The following KHDRBS3 variants were observed in gnomAD, a reference collection of about 807,000 sequenced individuals.
The protein encoded by KHDRBS3 is KH RNA binding domain containing, signal transduction associated 3.
Under a neutral mutation model 45.6 loss-of-function variants are expected in KHDRBS3, and 23 were observed. That is an observed-to-expected ratio of 0.50 (90% CI 0.36 to 0.72). The LOEUF is 0.72. Ranked by LOEUF, KHDRBS3 falls within the 30% of genes least tolerant of loss-of-function variation. The pLI is 0.00. For synonymous variants in KHDRBS3, 162 were observed against 156.5 expected (o/e 1.04, Z -0.26); for missense variants, 352 against 424.8 (o/e 0.83, Z 1.51).
At chr8:135,633,522 G>A (rs1830690399) in intron 7 of KHDRBS3, among the ~76,000 whole-genome samples, 1 of 152,202 alleles carries the variant, frequency 6.6e-6, no homozygotes, top group Non-Finnish European at 1.5e-5. Context: ...ATAAGCTCAT[G>A]TTAATGCCAC....
chr8:135,558,411 A>C (rs1033094120), intron 5 of KHDRBS3, among the ~76,000 whole-genome samples: 2 of 152,192 alleles, frequency 1.3e-5, no homozygotes, highest in African/African-American at 4.8e-5. Context: ...CTATGGATAA[A>C]TTTTTATTTT....
At chr8:135,518,040 A>G (rs1439390125) in intron 1 of KHDRBS3, among the ~76,000 whole-genome samples, 1 of 152,218 alleles carries the variant, frequency 6.6e-6, no homozygotes, top group Non-Finnish European at 1.5e-5. Context: ...GCTTACCTAT[A>G]TGATTTTCTT....
intron 7 of KHDRBS3, among the ~76,000 whole-genome samples, chr8:135,628,560 T>C (rs897481303): frequency 6.6e-6 from 1 of 152,232 alleles, no homozygotes; most frequent in African/African-American, 2.4e-5. Flanking sequence ...TTATAATAGG[T>C]ATTTGATAAG....
intron 1 of KHDRBS3, among the ~76,000 whole-genome samples, chr8:135,520,077 C>T (rs1264626877): frequency 6.6e-6 from 1 of 152,230 alleles, no homozygotes; most frequent in Admixed American, 6.5e-5. Context: ...TGTGAAGTCA[C>T]CTCTTTGAAC....
At chr8:135,495,633 AT>A (rs1255895287) in intron 1 of KHDRBS3, among the ~76,000 whole-genome samples, 3 of 152,210 alleles carry the variant, frequency 2.0e-5, no homozygotes, top group Non-Finnish European at 4.4e-5. Context: ...TATTTCACTT[AT>A]CATATTCCAC....
Position 135,566,691 on chromosome 8 carries a change from C to CA in KHDRBS3, c.611+9114dup, listed in dbSNP as rs569527746. ...GCTGTATAGTGAGACTTTATCTTTA[C>CA]AAAAAAAAAAGTTAAAAATTAAAAA... On this transcript the variant is annotated intron_variant, in intron 5 of 8. Coordinates refer to ENST00000355849, the MANE Select transcript of KHDRBS3 (RefSeq NM_006558.3). 1.8e-4 allele frequency among the ~76,000 whole-genome samples: 26 copies of CA among 146,396 alleles called. 1 individual carries two copies. Among genetic ancestry groups the CA allele is most frequent in the African/African-American group, 4.8e-4 (19 of 39,954 alleles).
chr8:135,610,104 A>G (rs948699228), intron 7 of KHDRBS3, among the ~76,000 whole-genome samples: 4 of 151,928 alleles, frequency 2.6e-5, no homozygotes, highest in African/African-American at 9.7e-5. Context: ...GATATTTGAT[A>G]TAAAGAACCA....
intron 1 of KHDRBS3, among the ~76,000 whole-genome samples, chr8:135,469,652 C>T (rs1249391467): frequency 6.6e-6 from 1 of 152,130 alleles, no homozygotes; most frequent in Non-Finnish European, 1.5e-5. Flanking sequence ...CCTCAGCCTC[C>T]CCAGTAGCTG....
chr8:135,505,453 C>T (rs1041298036), intron 1 of KHDRBS3, among the ~76,000 whole-genome samples: 1 of 152,110 alleles, frequency 6.6e-6, no homozygotes, highest in African/African-American at 2.4e-5. Context: ...AGACCTCCCG[C>T]CTGCTGATTC....
At chr8:135,463,030 T>G (rs941488452) in intron 1 of KHDRBS3, among the ~76,000 whole-genome samples, 2 of 152,218 alleles carry the variant, frequency 1.3e-5, no homozygotes, top group Admixed American at 1.3e-4. Context: ...AGATAAGTCC[T>G]CTGACCTTTT....
intron 6 of KHDRBS3, among the ~76,000 whole-genome samples, chr8:135,602,285 A>G (rs901126548): frequency 2.6e-5 from 4 of 152,188 alleles, no homozygotes; most frequent in Non-Finnish European, 5.9e-5. Flanking sequence ...TATATGTTTC[A>G]AGCGTTGTCC....
intron 1 of KHDRBS3, among the ~76,000 whole-genome samples, chr8:135,501,095 G>A (rs1823713223): frequency 6.6e-6 from 1 of 152,166 alleles, no homozygotes; most frequent in Non-Finnish European, 1.5e-5. Context: ...TGCCTCAACT[G>A]TGTCTGCTGT....
At chr8:135,616,810 T>TA (rs1298321904) in intron 7 of KHDRBS3, among the ~76,000 whole-genome samples, 1 of 152,180 alleles carries the variant, frequency 6.6e-6, no homozygotes, top group Non-Finnish European at 1.5e-5. Context: ...TACTCTAAAG[T>TA]CTTTCTATGT....
chr8:135,481,903 G>A (rs938982117), intron 1 of KHDRBS3, among the ~76,000 whole-genome samples: 1 of 152,162 alleles, frequency 6.6e-6, no homozygotes, highest in African/African-American at 2.4e-5. Flanking sequence ...CTTGCAGCCT[G>A]TCACCGTTTA....
At chr8:135,611,059 T>G (rs1829687437) in intron 7 of KHDRBS3, among the ~76,000 whole-genome samples, 2 of 151,898 alleles carry the variant, frequency 1.3e-5, no homozygotes, top group African/African-American at 4.9e-5. Flanking sequence ...TATAAGCCCT[T>G]TAAATATCAG....
chr8:135,496,531 C>T (rs1283305013), intron 1 of KHDRBS3, among the ~76,000 whole-genome samples: 1 of 150,676 alleles, frequency 6.6e-6, no homozygotes, highest in Non-Finnish European at 1.5e-5. Flanking sequence ...CCATACCTGG[C>T]ACAAGCATTT....
intron 2 of KHDRBS3, among the ~76,000 whole-genome samples, chr8:135,523,869 A>G (rs1277100902): frequency 1.3e-5 from 2 of 152,114 alleles, no homozygotes; most frequent in East Asian, 3.9e-4. Context: ...GTATTTCTCT[A>G]CACTGTTTAT....
chr8:135,486,928 C>A (rs564786431), intron 1 of KHDRBS3, among the ~76,000 whole-genome samples: 111 of 152,222 alleles, frequency 7.3e-4, no homozygotes, highest in Non-Finnish European at 2.4e-4. Context: ...CTTTTATTTT[C>A]TTAAAGAGGA....
chr8:135,507,587 T>A (rs909428335), intron 1 of KHDRBS3, among the ~76,000 whole-genome samples: 11 of 152,208 alleles, frequency 7.2e-5, no homozygotes, highest in African/African-American at 2.2e-4. Context: ...GTAACTTGCT[T>A]CAGCATGTGA....
Sources: gnomAD v4.1 joint callset for allele counts (sites outside exome capture counted in the v4.1 genomes callset) on GRCh38, gnomAD v4.1.1 for gene constraint, MANE v1.5 for transcripts, NCBI Gene and HGNC (gene_info 2026-07-23, HGNC 2026-07-21) for gene names.